The following ZFPM2 variants were observed in gnomAD, a reference collection of about 807,000 sequenced individuals.
ZFPM2 encodes the protein zinc finger protein, FOG family member 2.
Under a neutral mutation model 98.6 loss-of-function variants are expected in ZFPM2, and 20 were observed. That is an observed-to-expected ratio of 0.20 (90% CI 0.14 to 0.29). The LOEUF is 0.29. Among genes scored for constraint, ZFPM2 ranks in the 10% least tolerant of loss-of-function variants. The probability of loss-of-function intolerance (pLI) is 1.00; values close to 1 mark genes in which losing one functional copy is unlikely to be tolerated. For missense variants in ZFPM2, 1,310 were observed against 1,388.6 expected (o/e 0.94, Z 0.90); for synonymous variants, 518 against 502.7 (o/e 1.03, Z -0.41).
intron 4 of ZFPM2, among the ~76,000 whole-genome samples, chr8:105,595,628 G>A (rs73309948): frequency 0.012 from 1,810 of 152,170 alleles, 32 homozygotes; most frequent in African/African-American, 0.041. Flanking sequence ...ACACAATATC[G>A]GGTGAAACAC....
chr8:105,548,661 A>G (rs186798773), intron 3 of ZFPM2, among the ~76,000 whole-genome samples: 18 of 152,246 alleles, frequency 1.2e-4, no homozygotes, highest in African/African-American at 4.3e-4. Flanking sequence ...TTAAAGGAAA[A>G]AGATGGTGTA....
chr8:105,723,498 G>A (rs1042943888), intron 5 of ZFPM2, among the ~76,000 whole-genome samples: 8 of 151,786 alleles, frequency 5.3e-5, no homozygotes, highest in Non-Finnish European at 8.8e-5. Context: ...ATGAAGATCC[G>A]GGTGGCCAGG....
chr8:105,447,657 G>T (rs1812402373), intron 3 of ZFPM2, among the ~76,000 whole-genome samples: 9 of 152,068 alleles, frequency 5.9e-5, no homozygotes. Flanking sequence ...CCCTAAGAGA[G>T]ATGATTTTCT....
chr8:105,484,018 G>A (rs2130397725), intron 3 of ZFPM2, among the ~76,000 whole-genome samples: 1 of 152,168 alleles, frequency 6.6e-6, no homozygotes, highest in South Asian at 2.1e-4. Flanking sequence ...ACAGGTGTGA[G>A]CCACTGCACC....
chr8:105,527,170 G>A (rs993522638), intron 3 of ZFPM2, among the ~76,000 whole-genome samples: 8 of 152,118 alleles, frequency 5.3e-5, no homozygotes, highest in African/African-American at 1.7e-4. Flanking sequence ...TACTATGGGT[G>A]TTCTTAGGGA....
At chr8:105,506,046 A>G (rs1274875504) in intron 3 of ZFPM2, among the ~76,000 whole-genome samples, 1 of 152,172 alleles carries the variant, frequency 6.6e-6, no homozygotes, top group African/African-American at 2.4e-5. Flanking sequence ...GTAAAGAAGC[A>G]CTGTAAATAT....
chr8:105,385,536 C>A (rs1213908743), intron 1 of ZFPM2, among the ~76,000 whole-genome samples: 1 of 152,172 alleles, frequency 6.6e-6, no homozygotes, highest in Non-Finnish European at 1.5e-5. Flanking sequence ...CCCAACTTTC[C>A]CTTTGCTTTG....
intron 3 of ZFPM2, among the ~76,000 whole-genome samples, chr8:105,515,510 TG>T (rs1156759743): frequency 6.6e-6 from 1 of 152,230 alleles, no homozygotes; most frequent in African/African-American, 2.4e-5. Flanking sequence ...GCCACTCTTT[TG>T]TTTTGCTTTG....
chr8:105,472,963 A>G (rs1812937671), intron 3 of ZFPM2, among the ~76,000 whole-genome samples: 1 of 147,058 alleles, frequency 6.8e-6, no homozygotes, highest in South Asian at 2.1e-4. Context: ...TGGCTAGATC[A>G]TAGCTCACTA....
chr8:105,585,750 T>C (rs992848586), intron 4 of ZFPM2, among the ~76,000 whole-genome samples: 1 of 152,106 alleles, frequency 6.6e-6, no homozygotes, highest in African/African-American at 2.4e-5. Context: ...GGAGGATTGC[T>C]TGACCCCAGG....
In ZFPM2 at chr8:105,803,496, G is replaced by A. The variant is rs1354024811; in HGVS notation, c.3414G>A (p.Lys1138=). Reference sequence around the variant, plus strand: ...ACCTTTCAAACTTTATAACTCACAAGAAGTTTTATTGCTCATCACATGCAG... The same window carrying A: ...ACCTTTCAAACTTTATAACTCACAAAAAGTTTTATTGCTCATCACATGCAG... The part of the protein sequence containing the change: ...FNNLSNFITH[K]KFYCSSHAAE... The change falls in exon 8 of 8, where the codon AAG becomes AAA. Residue 1138 remains lysine, a synonymous_variant. Transcript: ENST00000407775. 7 of 1,612,402 alleles carry A rather than the reference G, an allele frequency of 4.3e-6. No homozygotes were observed. Among genetic ancestry groups the A allele is most frequent in the Non-Finnish European group, 5.1e-6 (6 of 1,179,170 alleles).
Position 105,802,957 on chromosome 8 carries a change from A to G in ZFPM2, c.2875A>G (p.Arg959Gly). ...AQLIATKEENRHLFLPQCLYP... is the reference protein window; with the variant it reads ...AQLIATKEENGHLFLPQCLYP... ...GCTCATTGCTACAAAAGAAGAAAAC[A>G]GACATTTGTTTCTTCCACAATGCCT... is the stretch of plus-strand genomic sequence containing the variant. Residue 959 changes from arginine (R) to glycine (G), a missense_variant, in exon 8 of 8, where the codon AGA becomes GGA. Transcript: ENST00000407775. 6.2e-7 allele frequency: 1 copy of G among 1,612,920 alleles called. No homozygotes were observed. The highest frequency in any genetic ancestry group is 8.5e-7 in the Non-Finnish European group (1 of 1,179,488).
chr8:105,798,449 C>CA (rs1210789824), intron 6 of ZFPM2: 4 of 297,444 alleles, frequency 1.3e-5, no homozygotes, highest in African/African-American at 4.3e-5. Context: ...GAATCTGTCG[C>CA]AAAAAATAAA....
At chr8:105,409,074 T>C (rs1324099306) in intron 1 of ZFPM2, among the ~76,000 whole-genome samples, 1 of 151,780 alleles carries the variant, frequency 6.6e-6, no homozygotes, top group Admixed American at 6.6e-5. Flanking sequence ...GTCCCCTCAA[T>C]CTGATTGTCA....
rs536642730 is a variant in ZFPM2 at position 105,676,955 on chromosome 8, A to G, written c.532+42598A>G. Among the ~76,000 whole-genome samples, 41 of 152,204 alleles carry G rather than the reference A, an allele frequency of 2.7e-4. No individual in the cohort carries two copies. The South Asian group carries it at 6.6e-3, about 25-fold the overall frequency. On this transcript the variant is annotated intron_variant, in intron 5 of 7. Transcript: ENST00000407775. ...TTTCTAATATATGAAAACTTGTTAA[A>G]GAAGTATAGAAGAAACCAAAATATA...
intron 3 of ZFPM2, among the ~76,000 whole-genome samples, chr8:105,560,478 A>T (rs1263661614): frequency 1.3e-5 from 2 of 152,030 alleles, no homozygotes; most frequent in South Asian, 4.1e-4. Context: ...TCTTTGGGGA[A>T]TAAATATCCT....
chr8:105,651,339 G>A (rs1232103466), intron 5 of ZFPM2, among the ~76,000 whole-genome samples: 1 of 151,842 alleles, frequency 6.6e-6, no homozygotes, highest in Non-Finnish European at 1.5e-5. Context: ...GTGGTGGCGG[G>A]CACCTGTAAT....
rs897581849 is a variant in ZFPM2 at position 105,529,520 on chromosome 8, A to T, written c.302-31843A>T. 7.3e-5 allele frequency among the ~76,000 whole-genome samples: 11 copies of T among 151,676 alleles called. No homozygotes were observed. The South Asian group carries it at 2.3e-3, about 32-fold the overall frequency. ...AATATGTTGCTTCTAAATGAATGCA[A>T]CCCAGACATAAATTCATGGTTGGCT... On this transcript the variant is annotated intron_variant, in intron 3 of 7. Coordinates refer to ENST00000407775, the MANE Select transcript of ZFPM2 (RefSeq NM_012082.4).
chr8:105,735,269 A>G (rs1812041404), intron 5 of ZFPM2, among the ~76,000 whole-genome samples: 2 of 151,280 alleles, frequency 1.3e-5, no homozygotes, highest in Admixed American at 6.6e-5. Context: ...TGAAAATATT[A>G]ATATGTGCCC....
Sources: gnomAD v4.1 joint callset for allele counts (sites outside exome capture counted in the v4.1 genomes callset) on GRCh38, gnomAD v4.1.1 for gene constraint, MANE v1.5 for transcripts, NCBI Gene and HGNC (gene_info 2026-07-23, HGNC 2026-07-21) for gene names.